Variants in MAP3K19 observed in about 807,000 individuals in gnomAD.
MAP3K19 encodes SPS1/STE20-related protein kinase YSK4.
In MAP3K19, 91 loss-of-function variants were observed where a neutral mutation model predicts 114.4. That is an observed-to-expected ratio of 0.80 (90% CI 0.67 to 0.95). The LOEUF is 0.95. Among genes scored for constraint, MAP3K19 ranks in the 40% least tolerant of loss-of-function variants. MAP3K19 has a pLI of 0.00. For synonymous variants in MAP3K19, 518 were observed against 530.5 expected (o/e 0.98, Z 0.32); for missense variants, 1,471 against 1,573.2 (o/e 0.94, Z 1.10).
chr2:135,015,466 A>T (rs1409354069), intron 5 of MAP3K19, among the ~76,000 whole-genome samples: 1 of 152,164 alleles, frequency 6.6e-6, no homozygotes, highest in Non-Finnish European at 1.5e-5. Flanking sequence ...CATTTTAAGT[A>T]TCTTTTCTCA....
intron 8 of MAP3K19, 37 bp downstream of exon 8, chr2:134,998,701 C>A: frequency 1.3e-6 from 2 of 1,561,448 alleles, no homozygotes; most frequent in Non-Finnish European, 1.7e-6. Context: ...ATTTGTTGAC[C>A]AAAAGGACTC....
chr2:135,043,339 T>TG (rs1165910152), intron 1 of MAP3K19, among the ~76,000 whole-genome samples: 1 of 152,204 alleles, frequency 6.6e-6, no homozygotes, highest in Non-Finnish European at 1.5e-5. Context: ...TTCCTGAACT[T>TG]GCTTGAACAT....
At chr2:134,969,995 C>CTGTTTGGTTACTG (rs988605657) in intron 12 of MAP3K19, among the ~76,000 whole-genome samples, 2 of 134,218 alleles carry the variant, frequency 1.5e-5, no homozygotes, top group East Asian at 2.9e-4. Context: ...CAATACCATG[C>CTGTTTGGTTACTG]TGTTTGGTTA....
intron 12 of MAP3K19, among the ~76,000 whole-genome samples, chr2:134,977,010 C>T (rs1684280584): frequency 6.8e-6 from 1 of 146,088 alleles, no homozygotes; most frequent in Non-Finnish European, 1.5e-5. Flanking sequence ...CACACCACCG[C>T]ATTCCAGCCT....
In MAP3K19 at chr2:135,024,536, A is replaced by G. The variant is rs1322153965; in HGVS notation, c.22+90T>C. On this transcript the variant is annotated intron_variant, in intron 4 of 12. Transcript: ENST00000392915. ...ATAGCCGTGGACTTGATTTCTTTAA[A>G]TGGATCCATCAAACAGATGTAGAAA... is the stretch of plus-strand genomic sequence containing the variant. 2.8e-5 allele frequency: 33 copies of G among 1,183,808 alleles called. 1 individual carries two copies. In the Middle Eastern group the frequency reaches 1.1e-3, roughly 41 times the overall value. The allele number at this position is 1,183,808 out of a possible 1,614,324, so 73.3% of individuals were successfully genotyped here.
In MAP3K19 at chr2:134,964,825, C is replaced by G; in HGVS notation, c.*25G>C. On this transcript the variant is annotated 3_prime_UTR_variant, in exon 13 of 13. Coordinates refer to ENST00000392915, the MANE Select transcript of MAP3K19 (RefSeq NM_025052.5). The stretch of plus-strand genomic sequence containing the variant: ...AAGCAAGGGAGCATCTGCAGTGGAA[C>G]TGGGAAGAAAGTCTTGATGTATATT... 1 of 1,588,586 alleles carries G rather than the reference C, an allele frequency of 6.3e-7. No homozygotes were observed. Among genetic ancestry groups the G allele is most frequent in the Non-Finnish European group, 8.6e-7 (1 of 1,157,996 alleles).
intron 1 of MAP3K19, among the ~76,000 whole-genome samples, chr2:135,042,501 CAAA>C (rs1168430275): frequency 6.8e-5 from 4 of 58,784 alleles, no homozygotes; most frequent in African/African-American, 5.9e-5. Context: ...GACTCTGTCT[CAAA>C]AAAAAAAAAA....
At chr2:135,014,526 A>G (rs961747723) in intron 5 of MAP3K19, among the ~76,000 whole-genome samples, 1 of 152,140 alleles carries the variant, frequency 6.6e-6, no homozygotes, top group African/African-American at 2.4e-5. Flanking sequence ...TGTGTGTCAG[A>G]TATTTGAAGA....
At chr2:134,984,866 C>A (rs1684982143) in intron 10 of MAP3K19, among the ~76,000 whole-genome samples, 1 of 152,164 alleles carries the variant, frequency 6.6e-6, no homozygotes, top group African/African-American at 2.4e-5. Context: ...GCAGGAGAAT[C>A]GCTTTAACCC....
chr2:135,033,605 C>T (rs1232362104), intron 2 of MAP3K19, among the ~76,000 whole-genome samples: 2 of 80,380 alleles, frequency 2.5e-5, no homozygotes, highest in South Asian at 6.3e-4. Context: ...CCAGACGGGG[C>T]GGCTGGCCGG....
chr2:135,005,158 T>C (rs1686726191), intron 6 of MAP3K19, among the ~76,000 whole-genome samples: 1 of 152,208 alleles, frequency 6.6e-6, no homozygotes, highest in Non-Finnish European at 1.5e-5. Context: ...TTTTAACTTT[T>C]ATTGCAAGAG....
intron 8 of MAP3K19, among the ~76,000 whole-genome samples, chr2:134,997,820 A>AAAAAAAAAAAAAAAAAAAAAAC (rs61650738): frequency 6.7e-6 from 1 of 148,416 alleles, no homozygotes; most frequent in African/African-American, 2.5e-5. Flanking sequence ...TCCGTCTCAA[A>AAAAAAAAAAAAAAAAAAAAAAC]AAAAAAAAAA....
intron 12 of MAP3K19, among the ~76,000 whole-genome samples, chr2:134,974,084 C>T (rs1684064091): frequency 6.6e-6 from 1 of 152,184 alleles, no homozygotes; most frequent in Admixed American, 6.5e-5. Flanking sequence ...TCACTGCACC[C>T]TCCACCTCCC....
chr2:135,041,345 T>G (rs1688642646), intron 1 of MAP3K19, among the ~76,000 whole-genome samples: 1 of 151,872 alleles, frequency 6.6e-6, no homozygotes, highest in Non-Finnish European at 1.5e-5. Flanking sequence ...AACCTTTTTT[T>G]TTTTTTTAAT....
intron 8 of MAP3K19, among the ~76,000 whole-genome samples, chr2:134,993,482 G>C (rs1264187577): frequency 1.3e-5 from 2 of 152,110 alleles, no homozygotes; most frequent in Non-Finnish European, 2.9e-5. Context: ...CCCAGAAGAT[G>C]GCAATTTATA....
chr2:135,030,241 AGTCAT>A (rs1378700216), intron 3 of MAP3K19, 66 bp downstream of exon 3: 2 of 152,516 alleles, frequency 1.3e-5, no homozygotes, highest in Non-Finnish European at 2.9e-5. Context: ...CTTTAAAAGG[AGTCAT>A]ATGTAGTCTG....
In MAP3K19 at chr2:134,986,671, T is replaced by A. The variant is rs1685137050; in HGVS notation, c.2201A>T (p.Gln734Leu). 6.2e-7 allele frequency: 1 copy of A among 1,614,108 alleles called. No individual in the cohort carries two copies. The highest frequency in any genetic ancestry group is 1.3e-5 in the African/African-American group (1 of 74,946). ...KCPKTSFGIK[Q>L]EHKVLISKEK... ...TTTAGAAATTAAGACTTTGTGCTCT[T>A]GTTTAATGCCAAATGAAGTCTTTGG... Residue 734 changes from glutamine (Q) to leucine (L), a missense_variant, in exon 10 of 13, where the codon CAA (glutamine) becomes CTA (leucine). Physicochemically the swap from Gln to Leu is moderately radical, Grantham distance 113. Transcript: ENST00000392915.
At chr2:134,992,900 C>T (rs370047378) in intron 8 of MAP3K19, among the ~76,000 whole-genome samples, 6 of 152,148 alleles carry the variant, frequency 3.9e-5, no homozygotes, top group South Asian at 2.1e-4. Flanking sequence ...AGGCTGGTCT[C>T]GAACACTTGA....
At chr2:135,023,604 C>A (rs535236995) in intron 4 of MAP3K19, 42 of 510,482 alleles carry the variant, frequency 8.2e-5, no homozygotes, top group South Asian at 5.4e-4. Context: ...AGTTTCTCAG[C>A]GGTTGTCTCT....
Sources: gnomAD v4.1 joint callset for allele counts (sites outside exome capture counted in the v4.1 genomes callset) on GRCh38, gnomAD v4.1.1 for gene constraint, MANE v1.5 for transcripts, NCBI Gene and HGNC (gene_info 2026-07-23, HGNC 2026-07-21) for gene names.